Variants in AGAP2 observed in about 807,000 individuals in gnomAD.
AGAP2 encodes the protein ArfGAP with GTPase domain, ankyrin repeat and PH domain 2, also known as arf-GAP with GTPase, ANK repeat and PH domain-containing protein 2.
Under a neutral mutation model 110.9 loss-of-function variants are expected in AGAP2, and 32 were observed. The observed-to-expected ratio is 0.29, with a 90% CI of 0.22 to 0.39. The LOEUF (loss-of-function observed/expected upper bound fraction) is 0.39, where lower values mean the gene tolerates loss of function less well. AGAP2 is among the 10% of genes least tolerant of loss of function. AGAP2 has a pLI of 1.00. For missense variants in AGAP2, 1,285 were observed against 1,638.5 expected (o/e 0.78, Z 3.72); for synonymous variants, 702 against 713.0 (o/e 0.98, Z 0.25).
upstream of AGAP2, chr12:57,742,014 C>G (rs774303396): frequency 1.2e-6 from 2 of 1,614,172 alleles, no homozygotes; most frequent in East Asian, 4.5e-5. Context: ...TTGGCCACCT[C>G]ATGTCGTCTG....
At chr12:57,724,962 A>G (rs1396593478), downstream of AGAP2, 1 of 152,336 alleles carries the variant, frequency 6.6e-6, no homozygotes, top group Non-Finnish European at 1.5e-5. Context: ...TCATCTTAAG[A>G]GTCAGTGCCT....
chr12:57,732,321 T>C, intron 7 of AGAP2, 82 bp downstream of exon 7: 2 of 1,304,542 alleles, frequency 1.5e-6, no homozygotes, highest in South Asian at 1.3e-5. Context: ...TGAACCTCCT[T>C]GGGTACTCTG....
chr12:57,741,267 G>A (rs144569894), upstream of AGAP2, among the ~76,000 whole-genome samples: 489 of 152,256 alleles, frequency 3.2e-3, 4 homozygotes, highest in African/African-American at 0.011. Flanking sequence ...TTGCTCTAAT[G>A]GCACTAAGGA....
At chr12:57,728,161 T>C (rs889699042) in intron 14 of AGAP2, 76 bp from the exon 15 acceptor site, 2 of 1,543,586 alleles carry the variant, frequency 1.3e-6, no homozygotes, top group African/African-American at 2.7e-5. Context: ...CCGTCCTCCC[T>C]GATGTCCATC....
At chr12:57,732,280 C>T in intron 7 of AGAP2, 123 bp downstream of exon 7, 1 of 955,548 alleles carries the variant, frequency 1.0e-6, no homozygotes, top group Non-Finnish European at 1.6e-6. Flanking sequence ...CCAATAGTTT[C>T]ACTGCCATTT....
At position 57,731,034 on chromosome 12, in the gene AGAP2, G is replaced by C. The variant is rs1954875949; in HGVS notation, c.2146-81C>G. The C allele has an allele frequency of 5.8e-6, 8 of 1,387,240 alleles. No individual in the cohort carries two copies. In the Admixed American group the frequency reaches 2.0e-4, roughly 34 times the overall value. 85.9% of individuals were successfully genotyped at this position (1,387,240 alleles called of 1,614,324 possible). ...GAAGCAGTCAACATGGTACAGAATA[G>C]AGAGGGACTGGGGAGGGGTCTTGGG... is the stretch of plus-strand genomic sequence containing the variant. On this transcript the variant is annotated intron_variant, in intron 10 of 18. Coordinates refer to ENST00000547588, the MANE Select transcript of AGAP2 (RefSeq NM_001122772.3).
At chr12:57,732,314 A>G (rs1224534185) in intron 7 of AGAP2, 89 bp downstream of exon 7, 3 of 1,231,566 alleles carry the variant, frequency 2.4e-6, no homozygotes, top group Non-Finnish European at 3.4e-6. Context: ...CACTCCCTGA[A>G]CCTCCTTGGG....
chr12:57,729,536 C>T, intron 13 of AGAP2, 103 bp downstream of exon 13: 1 of 1,506,012 alleles, frequency 6.6e-7, no homozygotes, highest in Admixed American at 2.1e-5. Flanking sequence ...TAGTCAAGCA[C>T]TCAGCTCAGG....
At position 57,738,215 on chromosome 12, in the gene AGAP2, C is replaced by T. The variant is rs1191020884; in HGVS notation, c.32G>A (p.Arg11Gln). The T allele has an allele frequency of 6.6e-7, 1 of 1,523,574 alleles. No homozygotes were observed. 94.4% of individuals were successfully genotyped at this position (1,523,574 alleles called of 1,614,324 possible). The change falls in exon 1 of 19, where the codon CGG becomes CAG. Residue 11 changes from arginine to glutamine, a missense_variant. By Grantham distance (43) the Arg-to-Gln change is conservative (BLOSUM62 1). Around this residue, in one of 7 missense-constraint regions of AGAP2, gnomAD observed 844 missense variants for 941.2 expected, o/e 0.90. Transcript: ENST00000547588. This position sits in a 1 kb window ranked among gnomAD's most constrained non-coding sequence, Gnocchi z 6.7. MSRGAGALQR[R>Q]TTTYLISLTL... ...CAGCGAGATGAGGTAGGTCGTTGTC[C>T]GGCGCTGAAGCGCGCCCGCGCCCCG... is the stretch of plus-strand genomic sequence containing the variant.
chr12:57,735,140 A>T (rs772160523), intron 2 of AGAP2, among the ~76,000 whole-genome samples: 2 of 152,162 alleles, frequency 1.3e-5, no homozygotes, highest in Non-Finnish European at 2.9e-5. Flanking sequence ...GACCATGAAC[A>T]AACAGGAAAA....
rs770494095 is a variant in AGAP2, at chr12:57,737,506, G to A, written c.741C>T (p.Gly247=). ...AATAAAAGGG[G]STASTSGGVG... ...CCCCACCAGAGGTCGAAGCTGTAGAGCCCCCTCCCCCGGCGGCGGCGGCGG... is the reference window on the plus strand; with the variant it reads ...CCCCACCAGAGGTCGAAGCTGTAGAACCCCCTCCCCCGGCGGCGGCGGCGG... The change falls in exon 1 of 19, where the codon GGC becomes GGT. Residue 247 remains glycine (G), a synonymous_variant. Coordinates refer to ENST00000547588, the MANE Select transcript of AGAP2 (RefSeq NM_001122772.3). This position sits in a 1 kb window ranked among gnomAD's most constrained non-coding sequence, Gnocchi z 5.9. 22 of 1,595,650 alleles carry A rather than the reference G, an allele frequency of 1.4e-5. No individual in the cohort carries two copies. In the South Asian group the frequency reaches 2.1e-4, roughly 15 times the overall value.
chr12:57,732,992 G>A lies in AGAP2; in HGVS notation c.1550-13C>T, dbSNP rs757040588. On this transcript the variant is annotated splice_polypyrimidine_tract_variant and intron_variant, in intron 5 of 18. Coordinates refer to ENST00000547588, the MANE Select transcript of AGAP2 (RefSeq NM_001122772.3). ...GCACTGATCCTGTCTGAGGGGACAG[G>A]AAAGGGGCAGGATTGAACAAGGAGC... is the stretch of plus-strand genomic sequence containing the variant. 1.2e-6 allele frequency: 2 copies of A among 1,613,802 alleles called. No homozygotes were observed. Among genetic ancestry groups the A allele is most frequent in the South Asian group, 2.2e-5 (2 of 91,080 alleles).
At position 57,727,125 on chromosome 12, in the gene AGAP2, A is replaced by G; in HGVS notation, c.3185T>C (p.Val1062Ala). 1 of 1,599,148 alleles carries G rather than the reference A, an allele frequency of 6.3e-7. No homozygotes were observed. Among genetic ancestry groups the G allele is most frequent in the Non-Finnish European group, 8.5e-7 (1 of 1,174,216 alleles). The change falls in exon 18 of 19, where the codon GTG (valine) becomes GCG (alanine). Residue 1062 changes from valine (V) to alanine (A), a missense_variant. Around this residue, in one of 7 missense-constraint regions of AGAP2, gnomAD observed 201 missense variants for 276.1 expected, o/e 0.73. Coordinates refer to ENST00000547588, the MANE Select transcript of AGAP2 (RefSeq NM_001122772.3). ...AACGGTAGCCACGTCCTGGGCCTGC[A>G]CGGCGGCCCACAGCTGGCGGCCCAG... ...EPLGRQLWAA[V>A]QAQDVATVLL...
At chr12:57,736,124 C>G (rs534658425) in intron 1 of AGAP2, among the ~76,000 whole-genome samples, 1 of 151,308 alleles carries the variant, frequency 6.6e-6, no homozygotes, top group South Asian at 2.1e-4. Flanking sequence ...GCGCCTGACA[C>G]CGGCCGGACG....
At chr12:57,732,348 C>T (rs1027758533) in intron 7 of AGAP2, 55 bp downstream of exon 7, 3 of 1,497,220 alleles carry the variant, frequency 2.0e-6, no homozygotes, top group African/African-American at 1.4e-5. Context: ...TCCTAGGATC[C>T]CCAGCCCCTC....
chr12:57,727,690 C>G lies in AGAP2; in HGVS notation c.2848G>C (p.Gly950Arg). The change falls in exon 16 of 19, where the codon GGG (glycine) becomes CGG (arginine). Residue 950 changes from glycine (G) to arginine (R), a missense_variant. Coordinates refer to ENST00000547588, the MANE Select transcript of AGAP2 (RefSeq NM_001122772.3). ...GCCTCCTGGCACTCACTGGGGGCCC[C>G]GCAGTCCACGCAGATTGAATTCCCC... ...AKGNSICVDC[G>R]APNPTWASLN... 6.2e-7 allele frequency: 1 copy of G among 1,606,236 alleles called. No homozygotes were observed. The highest frequency in any genetic ancestry group is 8.5e-7 in the Non-Finnish European group (1 of 1,176,406).
In AGAP2 at chr12:57,737,949, G is replaced by A. The variant is rs1199485046; in HGVS notation, c.298C>T (p.Pro100Ser). Residue 100 changes from proline to serine, a missense_variant, in exon 1 of 19, where the codon CCG becomes TCG. Transcript: ENST00000547588. This position sits in a 1 kb window ranked among gnomAD's most constrained non-coding sequence, Gnocchi z 5.9. Reference protein sequence around the residue: ...PPALSPAPASPARPVSPAPGR... With the variant: ...PPALSPAPASSARPVSPAPGR... ...GGAGCGGGGGAGACTGGGCGGGCCG[G>A]ACTGGCCGGAGCCGGGGACAGGGCT... The A allele has an allele frequency of 1.4e-6, 2 of 1,397,282 alleles. No individual in the cohort carries two copies. The highest frequency in any genetic ancestry group is 1.6e-5 in the South Asian group (1 of 63,630). 86.6% of individuals were successfully genotyped at this position (1,397,282 alleles called of 1,614,324 possible).
In AGAP2 at chr12:57,726,188, G is replaced by A. The variant is rs1954758755; in HGVS notation, c.*364C>T. ...TCCCGCCCTGGGATTGTTGAGCTCG[G>A]GCAGGACCGGGTCTTCTTTCCGCCC... On this transcript the variant is annotated 3_prime_UTR_variant, in exon 19 of 19. Transcript: ENST00000547588. This position sits in a 1 kb window ranked among gnomAD's most constrained non-coding sequence, Gnocchi z 5.7. 1 of 160,776 alleles carries A rather than the reference G, an allele frequency of 6.2e-6. No individual in the cohort carries two copies. Among genetic ancestry groups the A allele is most frequent in the South Asian group, 2.0e-4 (1 of 4,918 alleles). The allele number at this position is 160,776 out of a possible 1,614,324, so 10.0% of individuals were successfully genotyped here.
upstream of AGAP2, chr12:57,742,154 C>G: frequency 6.7e-7 from 1 of 1,497,026 alleles, no homozygotes; most frequent in Non-Finnish European, 9.1e-7. Flanking sequence ...CCTCAGAAGG[C>G]CCCTTCTGCT....
Sources: allele counts gnomAD v4.1 joint callset (sites outside exome capture counted in the v4.1 genomes callset), GRCh38; gene constraint gnomAD v4.1.1; regional missense constraint gnomAD v4.1.1; non-coding constraint Gnocchi (gnomAD v3.1); transcripts MANE v1.5; gene names NCBI Gene and HGNC (gene_info 2026-07-23, HGNC 2026-07-21).